The following IFT80 variants were observed in gnomAD, a reference collection of about 807,000 sequenced individuals.
The protein encoded by IFT80 is intraflagellar transport protein 80 homolog.
In IFT80, 79 loss-of-function variants were observed where a neutral mutation model predicts 107.9. The ratio of observed to expected loss-of-function variants is 0.73; its 90% CI spans 0.61 to 0.88. The LOEUF (loss-of-function observed/expected upper bound fraction) is 0.88, where lower values mean the gene tolerates loss of function less well. IFT80 is among the 40% of genes least tolerant of loss of function. The pLI is 0.00. For missense variants in IFT80, 797 were observed against 914.2 expected (o/e 0.87, Z 1.65); for synonymous variants, 299 against 300.9 (o/e 0.99, Z 0.07).
Position 160,366,185 on chromosome 3 carries a change from ATAAACT to A in IFT80, c.440-39_440-34del, listed in dbSNP as rs1480399486. On this transcript the variant is annotated intron_variant, in intron 5 of 19. Transcript: ENST00000326448. The stretch of plus-strand genomic sequence containing the variant: ...ATGAAAAAAGAAAAAAAAAAGGCTG[ATAAACT>A]TTAATTATTATGCCTTATAAAAAGA... 4.9e-6 allele frequency: 7 copies of A among 1,429,886 alleles called. No individual in the cohort carries two copies. The Admixed American group carries it at 1.2e-4, about 24-fold the overall frequency. 88.6% of individuals were successfully genotyped at this position (1,429,886 alleles called of 1,614,324 possible).
chr3:160,291,146 A>T (rs1295029027), intron 12 of IFT80, among the ~76,000 whole-genome samples: 3 of 152,260 alleles, frequency 2.0e-5, no homozygotes, highest in Admixed American at 1.3e-4. Flanking sequence ...GCGAAAGCCT[A>T]TGAACACCTC....
intron 5 of IFT80, among the ~76,000 whole-genome samples, chr3:160,369,156 A>T (rs1273175701): frequency 6.6e-6 from 1 of 152,030 alleles, no homozygotes; most frequent in Non-Finnish European, 1.5e-5. Flanking sequence ...CAAATTTGTA[A>T]ACAATAATGT....
intron 12 of IFT80, among the ~76,000 whole-genome samples, chr3:160,300,284 A>G (rs1306013410): frequency 6.6e-6 from 1 of 152,176 alleles, no homozygotes; most frequent in Non-Finnish European, 1.5e-5. Flanking sequence ...TAAGCACTCA[A>G]TAATACTTGC....
intron 16 of IFT80, 35 bp from the exon 17 acceptor site, chr3:160,277,705 T>C (rs1359245938): frequency 1.4e-6 from 2 of 1,379,726 alleles, no homozygotes; most frequent in Admixed American, 1.7e-5. Context: ...ATCTTAACTA[T>C]GTGACTGAAC....
chr3:160,357,680 T>C, intron 6 of IFT80, 102 bp from the exon 7 acceptor site: 1 of 696,522 alleles, frequency 1.4e-6, no homozygotes, highest in African/African-American at 1.8e-5. Context: ...TCCTTTGTCA[T>C]CTTCTCAGGG....
chr3:160,336,995 G>C (rs1416666142), intron 8 of IFT80, among the ~76,000 whole-genome samples: 1 of 152,004 alleles, frequency 6.6e-6, no homozygotes, highest in African/African-American at 2.4e-5. Context: ...CTCCATATCT[G>C]ATTTTAAGTA....
intron 8 of IFT80, among the ~76,000 whole-genome samples, chr3:160,352,177 G>A (rs530131420): frequency 6.6e-6 from 1 of 151,506 alleles, no homozygotes; most frequent in East Asian, 1.9e-4. Context: ...TGTATTTTTA[G>A]TAGAGACGGG....
chr3:160,358,686 A>G (rs1721279724), intron 6 of IFT80, among the ~76,000 whole-genome samples: 1 of 152,250 alleles, frequency 6.6e-6, no homozygotes, highest in African/African-American at 2.4e-5. Flanking sequence ...TTAAAGGAAC[A>G]AAATAAATAT....
chr3:160,303,781 C>A (rs1164136810), intron 11 of IFT80, 134 bp downstream of exon 11: 3 of 627,148 alleles, frequency 4.8e-6, no homozygotes, highest in Non-Finnish European at 8.7e-6. Context: ...TCTTTTTCTT[C>A]TAAAATGTAA....
chr3:160,332,878 G>A (rs74440989), intron 8 of IFT80, among the ~76,000 whole-genome samples: 5,151 of 152,246 alleles, frequency 0.034, 251 homozygotes, highest in African/African-American at 0.11. Flanking sequence ...ATCAAAGGCA[G>A]GATAAATTCT....
chr3:160,380,474 CAG>C (rs776930102), intron 3 of IFT80, among the ~76,000 whole-genome samples: 3 of 152,160 alleles, frequency 2.0e-5, no homozygotes, highest in South Asian at 2.1e-4. Context: ...TCACCATGTG[CAG>C]AGAGTCTACC....
intron 1 of IFT80, among the ~76,000 whole-genome samples, chr3:160,395,117 CTAAT>C (rs1713679087): frequency 6.6e-6 from 1 of 152,054 alleles, no homozygotes; most frequent in African/African-American, 2.4e-5. Context: ...GGATTATGAC[CTAAT>C]TTTTATGCAT....
chr3:160,296,006 G>A (rs1715952682), intron 12 of IFT80, among the ~76,000 whole-genome samples: 2 of 152,138 alleles, frequency 1.3e-5, no homozygotes, highest in Non-Finnish European at 1.5e-5. Context: ...AGGGGGAAAT[G>A]GGGAGTTGCT....
intron 19 of IFT80, among the ~76,000 whole-genome samples, chr3:160,261,634 T>C (rs1712840040): frequency 1.3e-5 from 2 of 149,268 alleles, no homozygotes; most frequent in Non-Finnish European, 3.0e-5. Flanking sequence ...ACCCTGTCTA[T>C]ACAAAAAAAT....
chr3:160,279,082 G>A (rs181386037), intron 16 of IFT80, 111 bp downstream of exon 16: 63 of 788,556 alleles, frequency 8.0e-5, no homozygotes, highest in Admixed American at 1.9e-4. Flanking sequence ...AAAAAGACAT[G>A]ATCTTATTCA....
chr3:160,310,403 G>A (rs1444067709), intron 9 of IFT80, among the ~76,000 whole-genome samples: 1 of 152,162 alleles, frequency 6.6e-6, no homozygotes, highest in Non-Finnish European at 1.5e-5. Flanking sequence ...AATTCACTGG[G>A]CATGCTAGGA....
intron 19 of IFT80, among the ~76,000 whole-genome samples, chr3:160,267,052 T>C (rs892889568): frequency 6.6e-5 from 10 of 152,100 alleles, no homozygotes; most frequent in Non-Finnish European, 1.5e-4. Context: ...AAAAAAAGGT[T>C]TGTGGAGCTT....
chr3:160,325,866 G>A (rs1384109548), intron 8 of IFT80, among the ~76,000 whole-genome samples: 7 of 151,946 alleles, frequency 4.6e-5, no homozygotes, highest in African/African-American at 9.7e-5. Flanking sequence ...CATCATGTTC[G>A]TGCTCAAAAA....
At chr3:160,290,016 G>C (rs539219044) in intron 12 of IFT80, among the ~76,000 whole-genome samples, 21 of 152,258 alleles carry the variant, frequency 1.4e-4, no homozygotes, top group African/African-American at 4.8e-4. Flanking sequence ...GAAAACTGGA[G>C]AGTTTGAACA....
Sources: gnomAD v4.1 joint callset for allele counts (sites outside exome capture counted in the v4.1 genomes callset) on GRCh38, gnomAD v4.1.1 for gene constraint, MANE v1.5 for transcripts, NCBI Gene and HGNC (gene_info 2026-07-23, HGNC 2026-07-21) for gene names.